PRKN: variants seen among roughly 807,000 people sequenced by gnomAD.
PRKN encodes parkin RBR E3 ubiquitin protein ligase.
A neutral mutation model predicts 59.5 loss-of-function variants in PRKN; 56 were observed. The ratio of observed to expected loss-of-function variants is 0.94; its 90% CI spans 0.76 to 1.18. The LOEUF (loss-of-function observed/expected upper bound fraction) is 1.18, where lower values mean the gene tolerates loss of function less well. Ranked by LOEUF, PRKN falls within the 50% of genes most tolerant of loss-of-function variation. The pLI is 0.00. For missense variants in PRKN, 657 were observed against 596.4 expected, an observed-to-expected ratio of 1.10 and a Z score of -1.06; for synonymous variants, 250 against 222.1, an observed-to-expected ratio of 1.13 and a Z score of -1.12.
chr6:161,741,128 C>G (rs560367072), intron 7 of PRKN, among the ~76,000 whole-genome samples: 1 of 152,350 alleles, frequency 6.6e-6, no homozygotes, highest in East Asian at 1.9e-4. Flanking sequence ...CACGCTGAGT[C>G]CAACTTTTGA....
At chr6:162,519,307 G>T (rs760335756) in intron 1 of PRKN, among the ~76,000 whole-genome samples, 51 of 152,142 alleles carry the variant, frequency 3.4e-4, no homozygotes, top group Non-Finnish European at 5.7e-4. Flanking sequence ...GCGAATTAAG[G>T]CTCTGTGCTG....
At chr6:161,792,937 A>G (rs1396400861) in intron 6 of PRKN, among the ~76,000 whole-genome samples, 1 of 152,204 alleles carries the variant, frequency 6.6e-6, no homozygotes, top group Non-Finnish European at 1.5e-5. Context: ...CAGAGACCAA[A>G]TGCATTTTAA....
chr6:162,243,808 T>C (rs1034704737), intron 3 of PRKN, among the ~76,000 whole-genome samples: 1 of 152,146 alleles, frequency 6.6e-6, no homozygotes, highest in African/African-American at 2.4e-5. Context: ...TTAGATATTA[T>C]TCCTTAGAGA....
chr6:162,568,487 A>G, intron 1 of PRKN: 1 of 666,084 alleles, frequency 1.5e-6, no homozygotes, highest in Non-Finnish European at 2.8e-6. Context: ...GCGGCATGGG[A>G]GGCATCACCG....
At chr6:162,402,991 T>C (rs1293999880) in intron 2 of PRKN, among the ~76,000 whole-genome samples, 1 of 152,124 alleles carries the variant, frequency 6.6e-6, no homozygotes, top group African/African-American at 2.4e-5. Flanking sequence ...CTGGCCAGTG[T>C]TGGGATGGTC....
rs2114867179 is a variant in PRKN at position 161,362,954 on chromosome 6, A to T, written c.1168-2749T>A. On this transcript the variant is annotated intron_variant, in intron 10 of 11. Coordinates refer to ENST00000366898, the MANE Select transcript of PRKN (RefSeq NM_004562.3). This position sits in a 1 kb window ranked among gnomAD's most constrained non-coding sequence, Gnocchi z 5.2. ...TAGATATTGGAATGGCCAGAGACAG[A>T]GTACTGGCCAGGCATGGTGGCTCAC... Among the ~76,000 whole-genome samples the T allele has an allele frequency of 6.6e-6, 1 of 152,356 alleles. No homozygotes were observed. Among genetic ancestry groups the T allele is most frequent in the African/African-American group, 2.4e-5 (1 of 41,576 alleles).
chr6:161,927,410 A>G lies in PRKN; in HGVS notation c.734+45892T>C, dbSNP rs555671505. ...GGGTAAAGAGGAATACAAACACTAC[A>G]TTAACTTACAGGGTAAAATAACTTA... On this transcript the variant is annotated intron_variant, in intron 6 of 11. Coordinates refer to ENST00000366898, the MANE Select transcript of PRKN (RefSeq NM_004562.3). Among the ~76,000 whole-genome samples the G allele has an allele frequency of 1.6e-4, 24 of 152,328 alleles. 1 individual carries two copies. The South Asian group carries it at 4.6e-3, about 29-fold the overall frequency.
In PRKN at chr6:162,114,191, G is replaced by A. The variant is rs573069145; in HGVS notation, c.535-60017C>T. 1.3e-4 allele frequency among the ~76,000 whole-genome samples: 20 copies of A among 152,218 alleles called. No homozygotes were observed. In the East Asian group the frequency reaches 2.9e-3, roughly 22 times the overall value. On this transcript the variant is annotated intron_variant, in intron 4 of 11. Coordinates refer to ENST00000366898, the MANE Select transcript of PRKN (RefSeq NM_004562.3). ...TCTTTTGGCTCAGGATTGACTTGGC[G>A]ATGCGGGCTCTTTTTTGGTTCCATA...
intron 6 of PRKN, among the ~76,000 whole-genome samples, chr6:161,793,745 A>G (rs377239912): frequency 1.3e-5 from 2 of 152,190 alleles, no homozygotes; most frequent in African/African-American, 4.8e-5. Context: ...TCCAGTCTAT[A>G]TAGTGAGAAG....
rs531030523 is a variant in PRKN, at chr6:161,450,642, T to C, written c.1084-63765A>G. 5.2e-3 allele frequency among the ~76,000 whole-genome samples: 785 copies of C among 152,146 alleles called. 4 individuals carry two copies. The highest frequency in any genetic ancestry group is 9.0e-3 in the Admixed American group (138 of 15,288). On this transcript the variant is annotated intron_variant, in intron 9 of 11. Coordinates refer to ENST00000366898, the MANE Select transcript of PRKN (RefSeq NM_004562.3). The stretch of plus-strand genomic sequence containing the variant: ...TGTGATCTCAGCTCACTGCAACCTC[T>C]GCCTCCCAGGTTCAAGTGATTCTCC...
chr6:162,404,028 A>C (rs1003749100), intron 2 of PRKN, among the ~76,000 whole-genome samples: 1 of 152,118 alleles, frequency 6.6e-6, no homozygotes, highest in Non-Finnish European at 1.5e-5. Context: ...ATCCTAATAC[A>C]TAAAATAGAG....
At chr6:162,650,753 A>C (rs1330005815) in intron 1 of PRKN, among the ~76,000 whole-genome samples, 1 of 152,178 alleles carries the variant, frequency 6.6e-6, no homozygotes, top group South Asian at 2.1e-4. Context: ...GGCTTATCCT[A>C]GAGTCCAATA....
At position 161,743,387 on chromosome 6, in the gene PRKN, TTTATTTA is replaced by T. The variant is rs1303233827; in HGVS notation, c.871+42378_871+42384del. On this transcript the variant is annotated intron_variant, in intron 7 of 11. Coordinates refer to ENST00000366898, the MANE Select transcript of PRKN (RefSeq NM_004562.3). Reference sequence around the variant, plus strand: ...GGCGCCCGCCACCACATCCAGCTTTTTTATTTATTTATTTATTTATTTATTTATTTAT... The same window carrying T: ...GGCGCCCGCCACCACATCCAGCTTTTTTTATTTATTTATTTATTTATTTAT... Among the ~76,000 whole-genome samples, 86 of 53,826 alleles carry T rather than the reference TTTATTTA, an allele frequency of 1.6e-3. 2 individuals are homozygous for T. Among genetic ancestry groups the T allele is most frequent in the African/African-American group, 7.6e-3 (85 of 11,144 alleles). 35.3% of individuals were successfully genotyped at this position (53,826 alleles called of 152,430 possible). A position where few individuals can be genotyped will look rare whatever the true frequency, so the allele number is the denominator to read the frequency against.
chr6:162,364,380 T>A (rs983811460), intron 2 of PRKN, among the ~76,000 whole-genome samples: 11 of 152,174 alleles, frequency 7.2e-5, no homozygotes, highest in African/African-American at 2.4e-4. Context: ...ACTTGCGCCT[T>A]CCAATTACAC....
chr6:162,514,887 T>C (rs1777779479), intron 1 of PRKN, among the ~76,000 whole-genome samples: 1 of 152,198 alleles, frequency 6.6e-6, no homozygotes, highest in African/African-American at 2.4e-5. Flanking sequence ...TCATGTAGTA[T>C]AAGTGGTTAA....
At chr6:162,258,956 A>G (rs1046121168) in intron 3 of PRKN, among the ~76,000 whole-genome samples, 1 of 152,122 alleles carries the variant, frequency 6.6e-6, no homozygotes, top group African/African-American at 2.4e-5. Context: ...GGGTTTCAGA[A>G]GTTTCCATTT....
In PRKN at chr6:162,531,085, G is replaced by A. The variant is rs376975434; in HGVS notation, c.8-87612C>T. Reference sequence around the variant, plus strand: ...AAAAAAAAAAAAAAAAAAATGTACAGGCCAGGCGTGGTGGTTCACGCCTGT... The same window carrying A: ...AAAAAAAAAAAAAAAAAAATGTACAAGCCAGGCGTGGTGGTTCACGCCTGT... On this transcript the variant is annotated intron_variant, in intron 1 of 11. Transcript: ENST00000366898. Among the ~76,000 whole-genome samples the A allele has an allele frequency of 2.2e-4, 31 of 142,396 alleles. No individual in the cohort carries two copies. The East Asian group carries it at 5.0e-3, about 23-fold the overall frequency. 93.4% of individuals were successfully genotyped at this position (142,396 alleles called of 152,430 possible). A position where few individuals can be genotyped will look rare whatever the true frequency, so the allele number is the denominator to read the frequency against.
intron 7 of PRKN, among the ~76,000 whole-genome samples, chr6:161,638,738 A>ATTT (rs386409169): frequency 0.027 from 2,729 of 100,074 alleles, 355 homozygotes; most frequent in African/African-American, 0.12. Flanking sequence ...ACGAGATCTG[A>ATTT]TTTTTTTTTT....
At chr6:161,857,151 C>A (rs1181381996) in intron 6 of PRKN, among the ~76,000 whole-genome samples, 2 of 152,148 alleles carry the variant, frequency 1.3e-5, no homozygotes, top group Admixed American at 1.3e-4. Context: ...ATCGCTTGAG[C>A]CCGGGAGGCA....
Sources: gnomAD v4.1 joint callset for allele counts (sites outside exome capture counted in the v4.1 genomes callset) on GRCh38, gnomAD v4.1.1 for gene constraint, Gnocchi (gnomAD v3.1) non-coding constraint, MANE v1.5 for transcripts, NCBI Gene and HGNC (gene_info 2026-07-23, HGNC 2026-07-21) for gene names.